The following RNF128 variants were observed in gnomAD, a reference collection of about 807,000 sequenced individuals.
The protein encoded by RNF128 is E3 ubiquitin-protein ligase RNF128.
RNF128 carries 13 observed loss-of-function variants against 26.2 expected under a neutral mutation model. The observed-to-expected ratio is 0.50, with a 90% CI of 0.32 to 0.79. RNF128 has a LOEUF of 0.79. RNF128 is among the 30% of genes least tolerant of loss of function. The pLI is 0.03. For missense variants in RNF128, 315 were observed against 349.7 expected (o/e 0.90, Z 0.79); for synonymous variants, 149 against 142.5 (o/e 1.05, Z -0.32).
At chrX:106,742,188 A>T (rs1486287914) in intron 1 of RNF128, among the ~76,000 whole-genome samples, 1 of 111,436 alleles carries the variant, frequency 9.0e-6, no homozygotes, top group Admixed American at 9.6e-5. Context: ...GATATAGCAA[A>T]TTTTTAAAAT....
chrX:106,702,028 T>C (rs1471517543), intron 1 of RNF128, among the ~76,000 whole-genome samples: 2 of 110,877 alleles, frequency 1.8e-5, no homozygotes, highest in Non-Finnish European at 3.8e-5. Context: ...TAAGCTTTTT[T>C]TTTTACCTGA....
chrX:106,786,097 A>G (rs1338254806), intron 3 of RNF128, among the ~76,000 whole-genome samples: 1 of 111,990 alleles, frequency 8.9e-6, no homozygotes, highest in African/African-American at 3.2e-5. Context: ...ATGAAAATGC[A>G]AAAGAACTAG....
intron 1 of RNF128, among the ~76,000 whole-genome samples, chrX:106,758,135 A>G (rs777867546): frequency 7.1e-5 from 8 of 112,581 alleles, no homozygotes; most frequent in East Asian, 5.6e-4. Context: ...CTAGATGCCA[A>G]TGGCACACAA....
chrX:106,709,558 T>C (rs764696954), intron 1 of RNF128, among the ~76,000 whole-genome samples: 13 of 111,210 alleles, frequency 1.2e-4, no homozygotes, highest in African/African-American at 3.6e-4. Context: ...ACTTCTTTTT[T>C]TTTTTTAGAT....
intron 1 of RNF128, among the ~76,000 whole-genome samples, chrX:106,701,721 C>CCGTAAA (rs1276626225): frequency 9.0e-6 from 1 of 111,223 alleles, no homozygotes; most frequent in Non-Finnish European, 1.9e-5. Flanking sequence ...CACAAACAAA[C>CCGTAAA]AGTAAAAGCA....
intron 1 of RNF128, among the ~76,000 whole-genome samples, chrX:106,735,090 T>C (rs1220818880): frequency 7.2e-5 from 8 of 111,774 alleles, no homozygotes; most frequent in Non-Finnish European, 9.4e-5. Context: ...TGTCCTTCCA[T>C]GCACCATAGC....
chrX:106,735,899 A>G (rs937935792), intron 1 of RNF128, among the ~76,000 whole-genome samples: 2 of 107,591 alleles, frequency 1.9e-5, no homozygotes, highest in African/African-American at 6.8e-5. Flanking sequence ...AGCTTTTTTT[A>G]CCCTCCCCCC....
upstream of RNF128, among the ~76,000 whole-genome samples, chrX:106,726,421 G>T (rs1358008201): frequency 9.0e-6 from 1 of 111,628 alleles, no homozygotes; most frequent in African/African-American, 3.3e-5. Flanking sequence ...TTAGGCAAAT[G>T]TTAGGAGGGA....
chrX:106,790,042 C>T (rs1055272079), intron 4 of RNF128, 144 bp from the exon 5 acceptor site: 18 of 350,842 alleles, frequency 5.1e-5, no homozygotes, highest in Non-Finnish European at 8.6e-5. Flanking sequence ...GTTTCTGTGA[C>T]TCCTTCATTT....
chrX:106,722,196 C>T (rs1929324597), upstream of RNF128, among the ~76,000 whole-genome samples: 1 of 110,955 alleles, frequency 9.0e-6, no homozygotes, highest in Admixed American at 9.6e-5. Flanking sequence ...CTTAAATTAA[C>T]TTCCCAACAA....
chrX:106,707,820 C>T (rs921899536), intron 1 of RNF128, among the ~76,000 whole-genome samples: 4 of 110,764 alleles, frequency 3.6e-5, no homozygotes. Context: ...AAAAAAACAC[C>T]AACTGAAAAG....
chrX:106,766,286 G>C (rs1010459978), intron 1 of RNF128, among the ~76,000 whole-genome samples: 7 of 111,711 alleles, frequency 6.3e-5, no homozygotes, highest in African/African-American at 2.3e-4. Flanking sequence ...TTGAGGAATC[G>C]CCACACTGTC....
At chrX:106,788,365 A>AATATATATTATATATT (rs1930704988) in intron 4 of RNF128, among the ~76,000 whole-genome samples, 1 of 49,003 alleles carries the variant, frequency 2.0e-5, no homozygotes, top group Non-Finnish European at 3.2e-5. Flanking sequence ...TACTATATAT[A>AATATATATTATATATT]ATATATATTA....
chrX:106,760,642 A>G (rs1930104497), intron 1 of RNF128, among the ~76,000 whole-genome samples: 1 of 111,804 alleles, frequency 8.9e-6, no homozygotes, highest in Non-Finnish European at 1.9e-5. Flanking sequence ...ATTACTGGGT[A>G]TCTATCCAAA....
chrX:106,787,871 T>C (rs747300090), intron 3 of RNF128, 47 bp from the exon 4 acceptor site: 2 of 885,460 alleles, frequency 2.3e-6, no homozygotes, highest in African/African-American at 4.0e-5. Flanking sequence ...TGTAGTTTAA[T>C]GTATTTTTTC....
At chrX:106,771,622 G>C (rs1303092556) in intron 1 of RNF128, among the ~76,000 whole-genome samples, 1 of 112,604 alleles carries the variant, frequency 8.9e-6, no homozygotes, top group Non-Finnish European at 1.9e-5. Flanking sequence ...ATTAGAGTGG[G>C]AGTGTCCCGA....
chrX:106,713,119 C>G (rs953853264), intron 1 of RNF128, among the ~76,000 whole-genome samples: 1 of 107,744 alleles, frequency 9.3e-6, no homozygotes, highest in African/African-American at 3.4e-5. Flanking sequence ...GAGCTCAAGT[C>G]GTCCCCCACC....
upstream of RNF128, among the ~76,000 whole-genome samples, chrX:106,723,462 G>A (rs944200327): frequency 9.0e-6 from 1 of 110,896 alleles, no homozygotes; most frequent in Non-Finnish European, 1.9e-5. Context: ...AGCTACTTGG[G>A]AGGCTGAGGC....
At chrX:106,767,851 T>G (rs1375399123) in intron 1 of RNF128, among the ~76,000 whole-genome samples, 1 of 111,719 alleles carries the variant, frequency 9.0e-6, no homozygotes, top group Non-Finnish European at 1.9e-5. Context: ...GGCTGTGGGT[T>G]TGTCATAGAT....
Sources: gnomAD v4.1 joint callset for allele counts (sites outside exome capture counted in the v4.1 genomes callset) on GRCh38, gnomAD v4.1.1 for gene constraint, MANE v1.5 for transcripts, NCBI Gene and HGNC (gene_info 2026-07-23, HGNC 2026-07-21) for gene names.